Variants in FRMD4A observed in about 807,000 individuals in gnomAD.
FRMD4A encodes FERM domain containing 4A, also known as FERM domain-containing protein 4A.
Under a neutral mutation model 129.1 loss-of-function variants are expected in FRMD4A, and 29 were observed. The ratio of observed to expected loss-of-function variants is 0.22; its 90% confidence interval spans 0.17 to 0.31. FRMD4A has a LOEUF of 0.31. FRMD4A is among the 10% of genes least tolerant of loss of function. The probability of loss-of-function intolerance (pLI) is 1.00; values close to 1 mark genes in which losing one functional copy is unlikely to be tolerated. For missense variants in FRMD4A, 1,272 were observed against 1,375.8 expected (o/e 0.92, Z 1.19); for synonymous variants, 634 against 571.6 (o/e 1.11, Z -1.56).
intron 2 of FRMD4A, among the ~76,000 whole-genome samples, chr10:14,002,358 G>C (rs192063555): frequency 4.5e-4 from 69 of 152,294 alleles, no homozygotes; most frequent in African/African-American, 1.6e-3. Flanking sequence ...TGGTCTTAGA[G>C]TTCCGAATAA....
chr10:13,663,391 T>G, intron 19 of FRMD4A, 62 bp downstream of exon 19: 1 of 925,504 alleles, frequency 1.1e-6, no homozygotes, highest in Non-Finnish European at 1.8e-6. Context: ...CCAGACTACA[T>G]AGAAATTCAT....
rs75446951 is a variant in FRMD4A at position 13,883,906 on chromosome 10, C to T, written c.46-24994G>A. 3.0e-3 allele frequency among the ~76,000 whole-genome samples: 462 copies of T among 152,234 alleles called. 3 individuals are homozygous for T. The highest frequency in any genetic ancestry group is 0.01 in the African/African-American group (428 of 41,556). On this transcript the variant is annotated intron_variant, in intron 2 of 24. Coordinates refer to ENST00000357447, the MANE Select transcript of FRMD4A (RefSeq NM_018027.5). Reference sequence around the variant, plus strand: ...TTTGCCTAATGTTTTTCTTCTGCTGCCTGTGTGTGCCTGTTTAATCAGTCT... The same window carrying T: ...TTTGCCTAATGTTTTTCTTCTGCTGTCTGTGTGTGCCTGTTTAATCAGTCT...
intron 2 of FRMD4A, among the ~76,000 whole-genome samples, chr10:13,988,153 A>G (rs193188638): frequency 4.0e-4 from 61 of 152,354 alleles, no homozygotes; most frequent in African/African-American, 1.4e-3. Context: ...AAAGGCTACA[A>G]TATGCCTCGT....
chr10:13,877,505 T>C (rs2094500182), intron 2 of FRMD4A, among the ~76,000 whole-genome samples: 1 of 152,154 alleles, frequency 6.6e-6, no homozygotes, highest in Non-Finnish European at 1.5e-5. Context: ...AGGTCCCAGT[T>C]CCATGAGGTC....
intron 2 of FRMD4A, among the ~76,000 whole-genome samples, chr10:13,927,670 A>T (rs1461711099): frequency 6.6e-6 from 1 of 152,230 alleles, no homozygotes; most frequent in Non-Finnish European, 1.5e-5. Context: ...TGCTAGCATG[A>T]TAGTAAATGC....
chr10:13,674,481 T>C (rs1401346233), intron 16 of FRMD4A, among the ~76,000 whole-genome samples: 1 of 152,202 alleles, frequency 6.6e-6, no homozygotes, highest in Non-Finnish European at 1.5e-5. Flanking sequence ...AACCAATTCT[T>C]TGATGGGTTT....
chr10:13,789,609 G>C (rs1293058496), intron 5 of FRMD4A, among the ~76,000 whole-genome samples: 1 of 147,698 alleles, frequency 6.8e-6, no homozygotes, highest in African/African-American at 2.5e-5. Flanking sequence ...ACTTCCTTGG[G>C]TTGTGTATAT....
intron 2 of FRMD4A, among the ~76,000 whole-genome samples, chr10:14,203,544 T>G (rs142526648): frequency 6.6e-6 from 1 of 152,304 alleles, no homozygotes; most frequent in Non-Finnish European, 1.5e-5. Context: ...CTTTTGCCCT[T>G]CTCTAATAAA....
intron 2 of FRMD4A, among the ~76,000 whole-genome samples, chr10:14,190,243 C>T (rs1489264794): frequency 6.6e-6 from 1 of 152,184 alleles, no homozygotes; most frequent in Non-Finnish European, 1.5e-5. Flanking sequence ...AGTTTCTTCA[C>T]AGCAAATGAC....
chr10:14,082,314 G>A (rs1588933360), intron 2 of FRMD4A, among the ~76,000 whole-genome samples: 1 of 152,256 alleles, frequency 6.6e-6, no homozygotes, highest in South Asian at 2.1e-4. Flanking sequence ...TGCAAAAGAT[G>A]TGGAATCTCT....
chr10:13,989,167 T>G (rs575773238), intron 2 of FRMD4A, among the ~76,000 whole-genome samples: 1 of 152,150 alleles, frequency 6.6e-6, no homozygotes, highest in Admixed American at 6.5e-5. Flanking sequence ...TAGTGGCACC[T>G]CCCATCCCAC....
intron 2 of FRMD4A, among the ~76,000 whole-genome samples, chr10:13,903,112 C>G (rs1050622962): frequency 6.6e-6 from 1 of 152,132 alleles, no homozygotes; most frequent in Non-Finnish European, 1.5e-5. Flanking sequence ...GAAGGCCCTC[C>G]TCCAGATACC....
chr10:13,952,492 C>T (rs1258338612), intron 2 of FRMD4A, among the ~76,000 whole-genome samples: 1 of 151,866 alleles, frequency 6.6e-6, no homozygotes, highest in African/African-American at 2.4e-5. Context: ...CAGAGCGAGA[C>T]CCTGTCTCTA....
chr10:14,166,598 A>G (rs1001667736), intron 2 of FRMD4A, among the ~76,000 whole-genome samples: 1 of 152,188 alleles, frequency 6.6e-6, no homozygotes, highest in Non-Finnish European at 1.5e-5. Flanking sequence ...GTCAATGTTC[A>G]CCTCCAGTTA....
rs1354065401 is a variant in FRMD4A at position 13,821,024 on chromosome 10, C to T, written c.112-10116G>A. On this transcript the variant is annotated intron_variant, in intron 3 of 24. Transcript: ENST00000357447. The surrounding 1 kb of genome is among the most constrained non-coding windows in gnomAD (Gnocchi z 4.3). ...TGAATAAATGAGCCTGAGCAAGCTGCCGGGTCTGAAGCCTGGGCTGTCACT... is the reference window on the plus strand; with the variant it reads ...TGAATAAATGAGCCTGAGCAAGCTGTCGGGTCTGAAGCCTGGGCTGTCACT... 6.6e-6 allele frequency among the ~76,000 whole-genome samples: 1 copy of T among 152,186 alleles called. No individual in the cohort carries two copies. The highest frequency in any genetic ancestry group is 2.4e-5 in the African/African-American group (1 of 41,446).
chr10:14,085,689 A>G (rs1445954656), intron 2 of FRMD4A, among the ~76,000 whole-genome samples: 2 of 152,122 alleles, frequency 1.3e-5, no homozygotes, highest in African/African-American at 4.8e-5. Flanking sequence ...CTATCTTCCC[A>G]TCTTCATTTG....
intron 4 of FRMD4A, among the ~76,000 whole-genome samples, chr10:13,810,193 A>T (rs1382380701): frequency 6.6e-6 from 1 of 152,252 alleles, no homozygotes; most frequent in Non-Finnish European, 1.5e-5. Context: ...AAATCTATAC[A>T]GGTATTCAGT....
intron 2 of FRMD4A, among the ~76,000 whole-genome samples, chr10:14,194,941 C>A (rs1842431296): frequency 6.6e-6 from 1 of 152,130 alleles, no homozygotes; most frequent in South Asian, 2.1e-4. Context: ...AGCTTGAAAT[C>A]ATGAACTATA....
chr10:13,740,107 AAG>A, intron 11 of FRMD4A, 85 bp downstream of exon 11: 5 of 834,354 alleles, frequency 6.0e-6, no homozygotes, highest in South Asian at 1.5e-5. Context: ...TCAAAAGAAA[AAG>A]AAAAAGAAGA....
Sources: gnomAD v4.1 joint callset for allele counts (sites outside exome capture counted in the v4.1 genomes callset) on GRCh38, gnomAD v4.1.1 for gene constraint, Gnocchi (gnomAD v3.1) non-coding constraint, MANE v1.5 for transcripts, NCBI Gene and HGNC (gene_info 2026-07-23, HGNC 2026-07-21) for gene names.